Variants in ARMC8 observed in about 807,000 individuals in gnomAD.
ARMC8 encodes armadillo repeat containing 8.
Under a neutral mutation model 99.3 loss-of-function variants are expected in ARMC8, and 20 were observed. That is an observed-to-expected ratio of 0.20 (90% CI 0.14 to 0.29). The LOEUF (loss-of-function observed/expected upper bound fraction) is 0.29, where lower values mean the gene tolerates loss of function less well. ARMC8 is among the 10% of genes least tolerant of loss of function. The pLI is 1.00. For synonymous variants in ARMC8, 263 were observed against 278.3 expected (o/e 0.95, Z 0.55); for missense variants, 569 against 809.5 (o/e 0.70, Z 3.60).
chr3:138,201,915 A>G (rs1286208651), intron 1 of ARMC8, among the ~76,000 whole-genome samples: 1 of 152,120 alleles, frequency 6.6e-6, no homozygotes, highest in African/African-American at 2.4e-5. Context: ...AATCACTTTA[A>G]TATGGTTACA....
At chr3:138,228,789 G>T (rs2045827908) in intron 5 of ARMC8, 129 bp from the exon 6 acceptor site, 3 of 618,324 alleles carry the variant, frequency 4.9e-6, no homozygotes, top group Non-Finnish European at 6.0e-6. Flanking sequence ...TTTGCACTGT[G>T]CCTTAAGGAG....
At chr3:138,276,476 C>G (rs905629639) in intron 18 of ARMC8, among the ~76,000 whole-genome samples, 1 of 151,682 alleles carries the variant, frequency 6.6e-6, no homozygotes, top group Non-Finnish European at 1.5e-5. Flanking sequence ...CACAAGAAGG[C>G]AAGAAAAAGA....
At chr3:138,216,431 A>C (rs1206531767) in intron 2 of ARMC8, among the ~76,000 whole-genome samples, 1 of 152,234 alleles carries the variant, frequency 6.6e-6, no homozygotes, top group Non-Finnish European at 1.5e-5. Context: ...AAAATTGGCA[A>C]TTCAATAATG....
intron 1 of ARMC8, among the ~76,000 whole-genome samples, chr3:138,207,168 G>GT (rs1271189220): frequency 6.6e-6 from 1 of 152,118 alleles, no homozygotes; most frequent in Non-Finnish European, 1.5e-5. Context: ...GTCCATCCTG[G>GT]TACACTCTTA....
chr3:138,204,424 T>A (rs531886816), intron 1 of ARMC8, among the ~76,000 whole-genome samples: 1 of 152,314 alleles, frequency 6.6e-6, no homozygotes, highest in African/African-American at 2.4e-5. Flanking sequence ...TGCTCCAATT[T>A]ATTCTGTCTT....
intron 12 of ARMC8, among the ~76,000 whole-genome samples, chr3:138,249,861 G>A (rs2108209143): frequency 1.3e-5 from 2 of 152,246 alleles, no homozygotes; most frequent in South Asian, 2.1e-4. Context: ...AATTTGCTGA[G>A]GTCTCAGAGA....
intron 1 of ARMC8, among the ~76,000 whole-genome samples, chr3:138,208,206 G>T (rs2044491391): frequency 6.6e-6 from 1 of 152,056 alleles, no homozygotes; most frequent in Non-Finnish European, 1.5e-5. Flanking sequence ...AGTGGCTCAT[G>T]CCTGTAATCC....
intron 18 of ARMC8, among the ~76,000 whole-genome samples, chr3:138,277,574 AAAAAC>A (rs1319915264): frequency 6.6e-6 from 1 of 152,254 alleles, no homozygotes; most frequent in African/African-American, 2.4e-5. Context: ...ATAAAACTGA[AAAAAC>A]AATATGAACA....
chr3:138,282,632 T>C (rs1437809375), intron 18 of ARMC8, among the ~76,000 whole-genome samples: 1 of 123,002 alleles, frequency 8.1e-6, no homozygotes, highest in Non-Finnish European at 1.6e-5. Context: ...TGAGACTCCA[T>C]CTCAAAAAAA....
intron 6 of ARMC8, among the ~76,000 whole-genome samples, chr3:138,230,044 A>G (rs1408498539): frequency 6.6e-6 from 1 of 152,194 alleles, no homozygotes; most frequent in Non-Finnish European, 1.5e-5. Context: ...CCCCCTTCCA[A>G]ACAAACCCTA....
At position 138,237,364 on chromosome 3, in the gene ARMC8, T is replaced by C; in HGVS notation, c.665T>C (p.Val222Ala). 1 of 1,613,748 alleles carries C rather than the reference T, an allele frequency of 6.2e-7. No individual in the cohort carries two copies. The highest frequency in any genetic ancestry group is 8.5e-7 in the Non-Finnish European group (1 of 1,179,834). ...GTTTTAGCTTTTGAAAACCCCCAGG[T>C]ATCGATGACCCTGGTAAATGGTAGG... ...FSVLAFENPQ[V>A]SMTLVNVLVD... The change falls in exon 8 of 22, where the codon GTA becomes GCA. Residue 222 changes from valine to alanine, a missense_variant. Val to Ala is a moderately conservative substitution (Grantham distance 64). Coordinates refer to ENST00000469044, the MANE Select transcript of ARMC8 (RefSeq NM_001363941.2).
chr3:138,262,397 G>A (rs1012308880), intron 12 of ARMC8: 16 of 917,780 alleles, frequency 1.7e-5, no homozygotes, highest in African/African-American at 8.3e-5. Context: ...CAGCTAAAAT[G>A]TGGTTCCCTG....
At chr3:138,230,453 C>G (rs2045972638) in intron 6 of ARMC8, among the ~76,000 whole-genome samples, 1 of 152,016 alleles carries the variant, frequency 6.6e-6, no homozygotes, top group Non-Finnish European at 1.5e-5. Context: ...GAGTTTGAGA[C>G]CAGTCTGGGC....
intron 2 of ARMC8, among the ~76,000 whole-genome samples, chr3:138,215,438 G>C (rs935838932): frequency 4.6e-5 from 7 of 151,970 alleles, no homozygotes; most frequent in African/African-American, 1.5e-4. Flanking sequence ...GGATGGTCTC[G>C]ATCTCCTGAT....
chr3:138,241,860 C>T lies in ARMC8; in HGVS notation c.915C>T (p.Ala305=). 6.2e-7 allele frequency: 1 copy of T among 1,613,978 alleles called. No individual in the cohort carries two copies. Among genetic ancestry groups the T allele is most frequent in the Non-Finnish European group, 8.5e-7 (1 of 1,179,900 alleles). The change falls in exon 11 of 22, where the codon GCC becomes GCT. Residue 305 remains alanine (A), a synonymous_variant. Coordinates refer to ENST00000469044, the MANE Select transcript of ARMC8 (RefSeq NM_001363941.2). ...EERVEGAETL[A]YLIEPDVELQ... Reference sequence around the variant, plus strand: ...GAGTTGAAGGAGCTGAGACACTTGCCTATCTGATTGAACCAGATGTTGAGC... The same window carrying T: ...GAGTTGAAGGAGCTGAGACACTTGCTTATCTGATTGAACCAGATGTTGAGC...
intron 21 of ARMC8, among the ~76,000 whole-genome samples, chr3:138,295,080 G>A (rs1202486528): frequency 6.6e-6 from 1 of 151,954 alleles, no homozygotes; most frequent in East Asian, 1.9e-4. Context: ...TGTATTTTTG[G>A]TAGAAACAGG....
chr3:138,244,799 A>C (rs955075605), intron 11 of ARMC8, among the ~76,000 whole-genome samples: 12 of 152,136 alleles, frequency 7.9e-5, no homozygotes, highest in African/African-American at 2.7e-4. Context: ...GGAACACTGA[A>C]TTTTTCGGAG....
chr3:138,191,586 G>A (rs1208543604), intron 1 of ARMC8, among the ~76,000 whole-genome samples: 1 of 152,086 alleles, frequency 6.6e-6, no homozygotes, highest in Non-Finnish European at 1.5e-5. Flanking sequence ...CCACTGTCAA[G>A]ATACAGAACT....
intron 18 of ARMC8, among the ~76,000 whole-genome samples, chr3:138,283,113 T>G (rs938332724): frequency 6.6e-6 from 1 of 152,212 alleles, no homozygotes; most frequent in Non-Finnish European, 1.5e-5. Flanking sequence ...CAATTTATGT[T>G]TCATGTCTAC....
Sources: allele counts gnomAD v4.1 joint callset (sites outside exome capture counted in the v4.1 genomes callset), GRCh38; gene constraint gnomAD v4.1.1; transcripts MANE v1.5; gene names NCBI Gene and HGNC (gene_info 2026-07-23, HGNC 2026-07-21).